The following SLC26A7 variants were observed in gnomAD, a reference collection of about 807,000 sequenced individuals.
SLC26A7 encodes anion exchange transporter.
A neutral mutation model predicts 82.5 loss-of-function variants in SLC26A7; 59 were observed. That is an observed-to-expected ratio of 0.72 (90% CI 0.58 to 0.89). The LOEUF (loss-of-function observed/expected upper bound fraction) is 0.89, where lower values mean the gene tolerates loss of function less well. Among genes scored for constraint, SLC26A7 ranks in the 40% least tolerant of loss-of-function variants. The pLI is 0.00. For missense variants in SLC26A7, 820 were observed against 793.0 expected, an observed-to-expected ratio of 1.03 and a Z score of -0.41; for synonymous variants, 271 against 274.3, an observed-to-expected ratio of 0.99 and a Z score of 0.12.
intron 2 of SLC26A7, 48 bp downstream of exon 2, chr8:91,249,892 C>T: frequency 7.2e-7 from 1 of 1,384,398 alleles, no homozygotes; most frequent in East Asian, 2.6e-5. Context: ...GTAGATGTCA[C>T]TTTGCTTCCT....
At chr8:91,255,053 C>T (rs1206005382) in intron 2 of SLC26A7, among the ~76,000 whole-genome samples, 2 of 152,012 alleles carry the variant, frequency 1.3e-5, no homozygotes, top group Non-Finnish European at 2.9e-5. Flanking sequence ...TTCTCTGTTT[C>T]CAACATGAAA....
rs55869816 is a variant in SLC26A7, at chr8:91,279,125, GTATATATATATATATATATA to G, written c.194-9989_194-9970del. Among the ~76,000 whole-genome samples the G allele has an allele frequency of 1.2e-3, 137 of 111,298 alleles. 2 individuals carry two copies. Among genetic ancestry groups the G allele is most frequent in the Admixed American group, 7.4e-3 (71 of 9,586 alleles). The allele number at this position is 111,298 out of a possible 152,430, so 73.0% of individuals were successfully genotyped here. A position where few individuals can be genotyped will look rare whatever the true frequency, so the allele number is the denominator to read the frequency against. On this transcript the variant is annotated intron_variant, in intron 2 of 18. Transcript: ENST00000276609. Reference sequence around the variant, plus strand: ...TATTTCATAGTATGTGTGTGTGTGTGTATATATATATATATATATATATATATATATATATATATATGTAT... The same window carrying G: ...TATTTCATAGTATGTGTGTGTGTGTGTATATATATATATATATATATGTAT...
chr8:91,210,055 A>T (rs4339600), intron 1 of SLC26A7, among the ~76,000 whole-genome samples: 2 of 152,026 alleles, frequency 1.3e-5, no homozygotes, highest in African/African-American at 4.8e-5. Flanking sequence ...ATATACCCAT[A>T]CTATGGAGTC....
chr8:91,283,422 A>G (rs867296662), intron 2 of SLC26A7, among the ~76,000 whole-genome samples: 10 of 152,138 alleles, frequency 6.6e-5, no homozygotes, highest in Non-Finnish European at 2.9e-5. Flanking sequence ...CTTCTTTTCC[A>G]TTCCTCTTGT....
intron 6 of SLC26A7, among the ~76,000 whole-genome samples, chr8:91,337,487 T>C (rs546402288): frequency 1.6e-4 from 25 of 152,212 alleles, no homozygotes; most frequent in South Asian, 4.2e-4. Flanking sequence ...GGCTCTGATA[T>C]GTATGTTAAA....
chr8:91,361,201 C>T (rs573269957), intron 11 of SLC26A7, among the ~76,000 whole-genome samples: 1 of 152,220 alleles, frequency 6.6e-6, no homozygotes, highest in South Asian at 2.1e-4. Flanking sequence ...TGTTAAGAAT[C>T]ACTCAAACTC....
At chr8:91,314,564 C>T (rs957276297) in intron 4 of SLC26A7, among the ~76,000 whole-genome samples, 3 of 152,168 alleles carry the variant, frequency 2.0e-5, no homozygotes, top group South Asian at 2.1e-4. Context: ...AACATGTCTG[C>T]CATTGTCTTG....
rs1812364591 is a variant in SLC26A7 at position 91,307,832 on chromosome 8, C to A, written c.478-10384C>A. Among the ~76,000 whole-genome samples, 9 of 151,012 alleles carry A rather than the reference C, an allele frequency of 6.0e-5. No individual in the cohort carries two copies. The South Asian group carries it at 1.9e-3, about 32-fold the overall frequency. On this transcript the variant is annotated intron_variant, in intron 4 of 18. Coordinates refer to ENST00000276609, the MANE Select transcript of SLC26A7 (RefSeq NM_052832.4). ...ATAAATAAATAAAAAAAATAAATTT[C>A]TTAAAATAAAATAAAATAAAATGCT...
intron 2 of SLC26A7, among the ~76,000 whole-genome samples, chr8:91,225,647 T>G (rs1228201630): frequency 8.7e-5 from 5 of 57,538 alleles, no homozygotes; most frequent in Admixed American, 2.8e-4. Flanking sequence ...AAAAGTGTTT[T>G]TTTTTTTTTT....
At chr8:91,337,698 T>A (rs1246028858) in intron 6 of SLC26A7, among the ~76,000 whole-genome samples, 1 of 152,208 alleles carries the variant, frequency 6.6e-6, no homozygotes, top group African/African-American at 2.4e-5. Context: ...CATCATTGAT[T>A]ACTAACATGG....
intron 2 of SLC26A7, among the ~76,000 whole-genome samples, chr8:91,271,038 C>T (rs1235988024): frequency 1.3e-5 from 2 of 152,168 alleles, no homozygotes; most frequent in African/African-American, 2.4e-5. Flanking sequence ...TTCCCCAGTC[C>T]ACTATAACTA....
intron 2 of SLC26A7, among the ~76,000 whole-genome samples, chr8:91,237,287 TC>T (rs978580639): frequency 2.0e-5 from 3 of 152,256 alleles, no homozygotes; most frequent in African/African-American, 7.2e-5. Flanking sequence ...GTAAGTATAT[TC>T]CAAATATCGT....
chr8:91,231,488 T>A (rs1404428383), intron 2 of SLC26A7, among the ~76,000 whole-genome samples: 1 of 152,240 alleles, frequency 6.6e-6, no homozygotes, highest in Non-Finnish European at 1.5e-5. Flanking sequence ...GGCACACTCT[T>A]GGAAAGGGAC....
intron 3 of SLC26A7, among the ~76,000 whole-genome samples, chr8:91,291,855 G>A (rs10091168): frequency 0.1 from 15,588 of 152,178 alleles, 918 homozygotes; most frequent in Middle Eastern, 0.2. Flanking sequence ...TAAAGCCGGA[G>A]ACTAATTCTG....
chr8:91,301,673 G>T (rs987109512), intron 4 of SLC26A7, among the ~76,000 whole-genome samples: 1 of 151,762 alleles, frequency 6.6e-6, no homozygotes, highest in East Asian at 1.9e-4. Context: ...TTTTGAAATA[G>T]TATGTCTACT....
chr8:91,275,204 T>C (rs1586350925), intron 2 of SLC26A7, among the ~76,000 whole-genome samples: 2 of 152,360 alleles, frequency 1.3e-5, no homozygotes, highest in East Asian at 1.9e-4. Context: ...AGAATGTATA[T>C]AGAATATATA....
intron 9 of SLC26A7, among the ~76,000 whole-genome samples, chr8:91,346,610 A>G (rs1813570930): frequency 6.6e-6 from 1 of 152,194 alleles, no homozygotes. Context: ...TTTATTCAGA[A>G]ACATTTCTGG....
At chr8:91,282,264 G>T (rs1329274034) in intron 2 of SLC26A7, among the ~76,000 whole-genome samples, 1 of 152,130 alleles carries the variant, frequency 6.6e-6, no homozygotes, top group Admixed American at 6.5e-5. Flanking sequence ...AGTCAGCTGA[G>T]GTTTGAGAAG....
chr8:91,260,974 G>A (rs763093828), intron 2 of SLC26A7, among the ~76,000 whole-genome samples: 4 of 151,996 alleles, frequency 2.6e-5, no homozygotes, highest in Non-Finnish European at 4.4e-5. Context: ...TTGTAATAAC[G>A]CTTAACCCTA....
Sources: gnomAD v4.1 joint callset for allele counts (sites outside exome capture counted in the v4.1 genomes callset) on GRCh38, gnomAD v4.1.1 for gene constraint, MANE v1.5 for transcripts, NCBI Gene and HGNC (gene_info 2026-07-23, HGNC 2026-07-21) for gene names.